SORBS2: variants seen among roughly 807,000 people sequenced by gnomAD.
SORBS2 encodes sorbin and SH3 domain-containing protein 2.
Under a neutral mutation model 97.7 loss-of-function variants are expected in SORBS2, and 46 were observed. The ratio of observed to expected loss-of-function variants is 0.47; its 90% confidence interval spans 0.37 to 0.60. The LOEUF (loss-of-function observed/expected upper bound fraction) is 0.60, where lower values mean the gene tolerates loss of function less well. SORBS2 is among the 20% of genes least tolerant of loss of function. The pLI, the probability that SORBS2 is intolerant of heterozygous loss-of-function variation, is 0.00. For synonymous variants in SORBS2, 476 were observed against 473.4 expected (o/e 1.01, Z -0.07); for missense variants, 1,316 against 1,282.3 (o/e 1.03, Z -0.40).
chr4:185,891,295 T>A (rs1203229104), intron 1 of SORBS2, among the ~76,000 whole-genome samples: 1 of 152,172 alleles, frequency 6.6e-6, no homozygotes, highest in Non-Finnish European at 1.5e-5. Context: ...AGAGAACGTA[T>A]CTAAACAATC....
At chr4:185,887,858 T>C (rs1056854058) in intron 1 of SORBS2, among the ~76,000 whole-genome samples, 4 of 152,124 alleles carry the variant, frequency 2.6e-5, no homozygotes, top group Non-Finnish European at 1.5e-5. Context: ...TGTAATTTTG[T>C]TCCTCAAAAC....
At chr4:185,880,436 T>G (rs4343763) in intron 1 of SORBS2, among the ~76,000 whole-genome samples, 3 of 151,984 alleles carry the variant, frequency 2.0e-5, no homozygotes, top group Non-Finnish European at 2.9e-5. Flanking sequence ...ATATTATGCC[T>G]TGTTGAAGCT....
intron 1 of SORBS2, among the ~76,000 whole-genome samples, chr4:185,870,630 G>C (rs1032206787): frequency 6.6e-6 from 1 of 152,194 alleles, no homozygotes; most frequent in African/African-American, 2.4e-5. Flanking sequence ...GGAACCATGC[G>C]GCTCCGGCTT....
intron 4 of SORBS2, among the ~76,000 whole-genome samples, chr4:185,643,049 G>A (rs1170353332): frequency 6.6e-6 from 1 of 152,236 alleles, no homozygotes. Context: ...GCCAGGCATC[G>A]TCCCAGGTGT....
chr4:185,930,500 G>T (rs908175547), intron 1 of SORBS2, among the ~76,000 whole-genome samples: 1 of 151,876 alleles, frequency 6.6e-6, no homozygotes, highest in Non-Finnish European at 1.5e-5. Flanking sequence ...GGGTTTCACC[G>T]TGTTAGCCAG....
rs117261280 is a variant in SORBS2, at chr4:185,691,422, G to A, written c.-197-12600C>T. Among the ~76,000 whole-genome samples, 52 of 152,224 alleles carry A rather than the reference G, an allele frequency of 3.4e-4. No homozygotes were observed. The East Asian group carries it at 9.9e-3, about 29-fold the overall frequency. On this transcript the variant is annotated intron_variant, in intron 2 of 20. Coordinates refer to the SORBS2 transcript ENST00000284776. Reference sequence around the variant, plus strand: ...ACAAATATTTATACAAATGGTTTTTGTTCTCTAAGCCTGAAATGATTGCCT... The same window carrying A: ...ACAAATATTTATACAAATGGTTTTTATTCTCTAAGCCTGAAATGATTGCCT...
intron 5 of SORBS2, among the ~76,000 whole-genome samples, chr4:185,629,887 T>G (rs1383301073): frequency 6.6e-6 from 1 of 152,024 alleles, no homozygotes; most frequent in Non-Finnish European, 1.5e-5. Context: ...TTTTAAAAAG[T>G]GTGATATTTA....
chr4:185,824,141 G>A (rs145905866), intron 1 of SORBS2, among the ~76,000 whole-genome samples: 72 of 152,234 alleles, frequency 4.7e-4, no homozygotes, highest in Middle Eastern at 6.8e-3. Context: ...CACAGTACTG[G>A]AGGCCAGAAG....
intron 1 of SORBS2, among the ~76,000 whole-genome samples, chr4:185,836,571 C>T (rs1330941062): frequency 6.6e-6 from 1 of 152,102 alleles, no homozygotes. Flanking sequence ...TCACAATGAA[C>T]CTATGAATTG....
intron 1 of SORBS2, chr4:185,918,518 T>A (rs551597406): frequency 6.6e-6 from 1 of 152,158 alleles, no homozygotes; most frequent in Admixed American, 6.5e-5. Context: ...TGGCTTCAAG[T>A]TGAGTTGGCC....
intron 5 of SORBS2, 75 bp from the exon 18 acceptor site, chr4:185,627,094 G>T (rs1319459330): frequency 7.6e-7 from 1 of 1,322,648 alleles, no homozygotes; most frequent in Non-Finnish European, 1.1e-6. Flanking sequence ...CCGGTGGAAC[G>T]TGCTAGTGAC....
In SORBS2 at chr4:185,684,759, G is replaced by A. The variant is rs1197524252; in HGVS notation, c.-197-5937C>T. 6 of 1,550,166 alleles carry A rather than the reference G, an allele frequency of 3.9e-6. No individual in the cohort carries two copies. The highest frequency in any genetic ancestry group is 4.4e-6 in the Non-Finnish European group (5 of 1,145,518). ...GTGAGTTAGTGATATTATACCTGCAGCCAATAGGTTTGGAGAACTTTGCAC... is the reference window on the plus strand; with the variant it reads ...GTGAGTTAGTGATATTATACCTGCAACCAATAGGTTTGGAGAACTTTGCAC... On this transcript the variant is annotated intron_variant, in intron 2 of 20. Transcript: ENST00000284776. The surrounding 1 kb of genome is among the most constrained non-coding windows in gnomAD (Gnocchi z 4.2).
intron 1 of SORBS2, among the ~76,000 whole-genome samples, chr4:185,801,666 A>ATC (rs59944716): frequency 0.012 from 1,150 of 98,282 alleles, 13 homozygotes; most frequent in African/African-American, 0.041. Flanking sequence ...TAACTGAATC[A>ATC]TCTCTCTCTC....
chr4:185,598,481 G>A lies in SORBS2; in HGVS notation c.2797-4546C>T, dbSNP rs139357971. On this transcript the variant is annotated intron_variant, in intron 12 of 14. Coordinates refer to ENST00000418609, the Ensembl canonical transcript of SORBS2. The stretch of plus-strand genomic sequence containing the variant: ...AACATCAGTAAAATATATACTTTCC[G>A]ATCTTAGTGAGCTACAGTCTGTTGA... 5.1e-4 allele frequency among the ~76,000 whole-genome samples: 77 copies of A among 152,224 alleles called. 1 individual carries two copies. Among genetic ancestry groups the A allele is most frequent in the African/African-American group, 1.7e-3 (72 of 41,542 alleles).
intron 1 of SORBS2, among the ~76,000 whole-genome samples, chr4:185,944,326 C>T (rs999915128): frequency 6.6e-6 from 1 of 152,188 alleles, no homozygotes; most frequent in Non-Finnish European, 1.5e-5. Flanking sequence ...TCCAAATTGA[C>T]ACTTTCATTG....
At chr4:185,754,460 C>G (rs1001483621) in intron 2 of SORBS2, among the ~76,000 whole-genome samples, 7 of 152,128 alleles carry the variant, frequency 4.6e-5, no homozygotes, top group African/African-American at 1.4e-4. Context: ...ACATGTACCC[C>G]TGAACTTAAA....
chr4:185,886,569 AAAAAGAAAAGAAAAAAAAAAG>A (rs1324657770), intron 1 of SORBS2, among the ~76,000 whole-genome samples: 25 of 137,658 alleles, frequency 1.8e-4, no homozygotes, highest in Non-Finnish European at 3.8e-4. Context: ...AAAAAAAAAA[AAAAAGAAAAGAAAAAAAAAAG>A]AAAAGAAAAC....
intron 1 of SORBS2, among the ~76,000 whole-genome samples, chr4:185,800,501 C>T (rs1356987041): frequency 2.0e-5 from 3 of 152,106 alleles, no homozygotes; most frequent in Non-Finnish European, 4.4e-5. Flanking sequence ...ACAGTCTCCC[C>T]TCTGTGAGCT....
chr4:185,892,357 G>C (rs920963077), intron 1 of SORBS2, among the ~76,000 whole-genome samples: 3 of 152,154 alleles, frequency 2.0e-5, no homozygotes, highest in Non-Finnish European at 1.5e-5. Context: ...ATCCACTAGA[G>C]AGCTCTGCAA....
Sources: gnomAD v4.1 joint callset for allele counts (sites outside exome capture counted in the v4.1 genomes callset) on GRCh38, gnomAD v4.1.1 for gene constraint, Gnocchi (gnomAD v3.1) non-coding constraint, MANE v1.5 for transcripts, NCBI Gene and HGNC (gene_info 2026-07-23, HGNC 2026-07-21) for gene names.